FGF13: variants seen among roughly 807,000 people sequenced by gnomAD.
FGF13 encodes fibroblast growth factor homologous factor 2.
Under a neutral mutation model 19.5 loss-of-function variants are expected in FGF13, and 2 were observed. The ratio of observed to expected loss-of-function variants is 0.10; its 90% CI spans 0.04 to 0.32. FGF13 has a LOEUF of 0.32. Ranked by LOEUF, FGF13 falls within the 10% of genes least tolerant of loss-of-function variation. The pLI, the probability that FGF13 is intolerant of heterozygous loss-of-function variation, is 1.00. For synonymous variants in FGF13, 72 were observed against 76.9 expected (o/e 0.94, Z 0.33); for missense variants, 113 against 192.7 (o/e 0.59, Z 2.45).
chrX:138,622,497 TAGTC>T lies in FGF13; in HGVS notation c.*10349_*10352del, dbSNP rs780782197. ...TATGACAAACTCACATCTAACGTGA[TAGTC>T]AGTAGTGAAATGCTGAAAGCTTTTC... is the stretch of plus-strand genomic sequence containing the variant. On this transcript the variant is annotated 3_prime_UTR_variant, in exon 5 of 5. Transcript: ENST00000315930. 30 of 112,424 alleles carry T rather than the reference TAGTC, an allele frequency of 2.7e-4. No individual in the cohort carries two copies. Among genetic ancestry groups the T allele is most frequent in the East Asian group, 1.4e-3 (5 of 3,573 alleles). The allele number at this position is 112,424 out of a possible 1,213,427, so 9.3% of individuals were successfully genotyped here.
At chrX:138,858,917 T>A (rs2091273472) in intron 2 of FGF13, among the ~76,000 whole-genome samples, 1 of 112,062 alleles carries the variant, frequency 8.9e-6, no homozygotes, top group Admixed American at 9.5e-5. Context: ...CCAACATAAC[T>A]TTTAAATTAG....
At chrX:139,159,050 A>C (rs1033858126) in intron 1 of FGF13, among the ~76,000 whole-genome samples, 3 of 111,903 alleles carry the variant, frequency 2.7e-5, no homozygotes, top group African/African-American at 9.7e-5. Context: ...GTTGAAACGA[A>C]GGAAAAAATG....
intron 3 of FGF13, among the ~76,000 whole-genome samples, chrX:138,754,014 G>A (rs183860013): frequency 2.2e-4 from 25 of 111,926 alleles, no homozygotes; most frequent in Non-Finnish European, 3.8e-5. Context: ...CTGACAAAAT[G>A]CCAAGGCCTC....
intron 1 of FGF13, among the ~76,000 whole-genome samples, chrX:139,083,662 G>A (rs1489164567): frequency 9.0e-6 from 1 of 110,883 alleles, no homozygotes; most frequent in Non-Finnish European, 1.9e-5. Context: ...AGGAGGTCAG[G>A]AGATTTGAGA....
At chrX:139,059,575 G>C (rs966938964) in intron 1 of FGF13, among the ~76,000 whole-genome samples, 6 of 111,616 alleles carry the variant, frequency 5.4e-5, no homozygotes, top group African/African-American at 1.6e-4. Context: ...CCTCGGTTTT[G>C]TGGGGCCCAA....
intron 1 of FGF13, among the ~76,000 whole-genome samples, chrX:139,034,208 A>C (rs2092242684): frequency 8.9e-6 from 1 of 112,041 alleles, no homozygotes. Context: ...CCTATAGTCT[A>C]ACAGAAGAGA....
intron 1 of FGF13, among the ~76,000 whole-genome samples, chrX:138,979,258 TTGG>T (rs1245035155): frequency 8.9e-6 from 1 of 111,889 alleles, no homozygotes; most frequent in Non-Finnish European, 1.9e-5. Context: ...AGCACATTAG[TTGG>T]GAAATGAAAA....
At chrX:139,173,977 ACT>A (rs771394782) in intron 1 of FGF13, among the ~76,000 whole-genome samples, 18 of 112,220 alleles carry the variant, frequency 1.6e-4, no homozygotes, top group Non-Finnish European at 2.8e-4. Flanking sequence ...GAATCACCAC[ACT>A]GTCTTCCACA....
At chrX:138,699,192 C>T (rs2089923932) in intron 3 of FGF13, among the ~76,000 whole-genome samples, 1 of 111,524 alleles carries the variant, frequency 9.0e-6, no homozygotes, top group African/African-American at 3.3e-5. Context: ...AAACCTATGT[C>T]TGCATCTGTC....
At chrX:138,761,935 T>G (rs1280471624) in intron 3 of FGF13, among the ~76,000 whole-genome samples, 3 of 110,031 alleles carry the variant, frequency 2.7e-5, no homozygotes, top group Non-Finnish European at 5.7e-5. Flanking sequence ...TTCTTTCTCT[T>G]CTTGCCTTTT....
At chrX:138,680,787 T>C (rs1018338277) in intron 3 of FGF13, among the ~76,000 whole-genome samples, 1 of 111,124 alleles carries the variant, frequency 9.0e-6, no homozygotes, top group African/African-American at 3.3e-5. Context: ...AGCCTCTCCT[T>C]TGAAGCTTTG....
intron 3 of FGF13, among the ~76,000 whole-genome samples, chrX:138,836,861 T>C (rs1190320698): frequency 9.4e-6 from 1 of 106,182 alleles, no homozygotes; most frequent in African/African-American, 3.5e-5. Flanking sequence ...TCTTTGAGGT[T>C]GCTGACCTTT....
chrX:139,099,166 G>A (rs1169374108), intron 1 of FGF13, among the ~76,000 whole-genome samples: 3 of 110,640 alleles, frequency 2.7e-5, no homozygotes, highest in South Asian at 3.9e-4. Flanking sequence ...CTAAAATAAC[G>A]TAGCCAAATG....
chrX:138,780,819 T>G (rs1212636184), intron 3 of FGF13, among the ~76,000 whole-genome samples: 7 of 110,942 alleles, frequency 6.3e-5, no homozygotes, highest in Admixed American at 2.9e-4. Flanking sequence ...GCGGACCGAA[T>G]AGACATCTAC....
At chrX:138,857,665 G>T (rs1402274709) in exon 3 of FGF13, 1 of 1,194,015 alleles carries the variant, frequency 8.4e-7, no homozygotes, top group African/African-American at 1.8e-5. Context: ...GTGCCAGGGG[G>T]GGCGTCATCC....
At chrX:139,004,342 G>T (rs1045220942) in intron 1 of FGF13, among the ~76,000 whole-genome samples, 10 of 112,776 alleles carry the variant, frequency 8.9e-5, no homozygotes, top group African/African-American at 1.3e-4. Flanking sequence ...CCAAGCCCAC[G>T]CCCACCCGGA....
chrX:138,785,030 C>T (rs1355215565), intron 3 of FGF13, among the ~76,000 whole-genome samples: 3 of 112,231 alleles, frequency 2.7e-5, no homozygotes, highest in African/African-American at 9.7e-5. Flanking sequence ...TTAATGTTCA[C>T]ACTTCCATTC....
At chrX:139,126,662 C>T (rs1335327658) in intron 1 of FGF13, among the ~76,000 whole-genome samples, 4 of 111,699 alleles carry the variant, frequency 3.6e-5, no homozygotes, top group Non-Finnish European at 7.5e-5. Flanking sequence ...AGTCATGTCC[C>T]GTCGGCAAGA....
chrX:138,865,384 C>G (rs886409467), intron 1 of FGF13, among the ~76,000 whole-genome samples: 2 of 110,207 alleles, frequency 1.8e-5, no homozygotes, highest in African/African-American at 3.3e-5. Context: ...AATTACTGCT[C>G]TAAGTAAAGC....
Sources: allele counts gnomAD v4.1 joint callset (sites outside exome capture counted in the v4.1 genomes callset), GRCh38; gene constraint gnomAD v4.1.1; transcripts MANE v1.5; gene names NCBI Gene and HGNC (gene_info 2026-07-23, HGNC 2026-07-21).